CDC42BPB: variants seen among roughly 807,000 people sequenced by gnomAD.
CDC42BPB encodes the protein serine/threonine-protein kinase MRCK beta.
In CDC42BPB, 37 loss-of-function variants were observed where a neutral mutation model predicts 214.9. The ratio of observed to expected loss-of-function variants is 0.17; its 90% CI spans 0.13 to 0.23. CDC42BPB has a LOEUF of 0.23. CDC42BPB is among the 10% of genes least tolerant of loss of function. The probability of loss-of-function intolerance (pLI) is 1.00; values close to 1 mark genes in which losing one functional copy is unlikely to be tolerated. For missense variants in CDC42BPB, 1,694 were observed against 2,227.0 expected, an observed-to-expected ratio of 0.76 and a Z score of 4.82; for synonymous variants, 931 against 884.0, an observed-to-expected ratio of 1.05 and a Z score of -0.94.
intron 1 of CDC42BPB, among the ~76,000 whole-genome samples, chr14:103,034,782 C>T (rs1003062921): frequency 3.4e-5 from 5 of 148,392 alleles, no homozygotes; most frequent in South Asian, 2.1e-4. Context: ...CGTGCCACTG[C>T]GCTCCAGCCT....
chr14:103,038,380 T>G (rs921898975), intron 1 of CDC42BPB, among the ~76,000 whole-genome samples: 1 of 151,566 alleles, frequency 6.6e-6, no homozygotes, highest in Non-Finnish European at 1.5e-5. Context: ...CAGCACTCCT[T>G]AATAGCCCCA....
At chr14:103,000,854 C>T (rs10139535) in intron 4 of CDC42BPB, among the ~76,000 whole-genome samples, 7,708 of 152,228 alleles carry the variant, frequency 0.051, 212 homozygotes, top group Middle Eastern at 0.075. Flanking sequence ...CCCATCGACA[C>T]GGGAGGCTTG....
chr14:102,999,333 C>A (rs142795109), intron 5 of CDC42BPB, among the ~76,000 whole-genome samples: 88 of 152,176 alleles, frequency 5.8e-4, no homozygotes, highest in South Asian at 2.1e-3. Flanking sequence ...TCAAAAGACA[C>A]AGTGGCTTCG....
At chr14:103,011,270 G>C (rs370174359) in intron 2 of CDC42BPB, among the ~76,000 whole-genome samples, 2 of 152,238 alleles carry the variant, frequency 1.3e-5, no homozygotes, top group African/African-American at 4.8e-5. Flanking sequence ...AGCTGCACCT[G>C]CATGACTGGC....
At chr14:102,973,744 A>T (rs560214648) in intron 12 of CDC42BPB, among the ~76,000 whole-genome samples, 1 of 152,254 alleles carries the variant, frequency 6.6e-6, no homozygotes, top group South Asian at 2.1e-4. Context: ...TGGAGACTGG[A>T]GAGGCTGATT....
chr14:102,994,330 C>A (rs185941086), intron 5 of CDC42BPB, among the ~76,000 whole-genome samples: 1 of 152,022 alleles, frequency 6.6e-6, no homozygotes. Flanking sequence ...GGGTCATCTG[C>A]GCCGTATAAT....
At chr14:102,967,202 T>C in intron 16 of CDC42BPB, 32 bp from the exon 17 acceptor site, 6 of 1,594,996 alleles carry the variant, frequency 3.8e-6, no homozygotes, top group Non-Finnish European at 5.1e-6. Context: ...ACAGAACTTG[T>C]TAATCGGGCA....
At chr14:102,978,401 T>C in intron 8 of CDC42BPB, 196 bp from the exon 9 acceptor site, 2 of 907,276 alleles carry the variant, frequency 2.2e-6, no homozygotes, top group Non-Finnish European at 2.6e-6. Context: ...CCCTGTACGC[T>C]GTATGTACAA....
intron 7 of CDC42BPB, among the ~76,000 whole-genome samples, 161 bp downstream of exon 7, chr14:102,983,395 T>C (rs1894094494): frequency 1.3e-5 from 2 of 152,088 alleles, no homozygotes; most frequent in South Asian, 4.1e-4. Context: ...CCCTCTCCAA[T>C]GTCTACTCCA....
Position 102,950,340 on chromosome 14 carries a change from C to A in CDC42BPB, c.3309+126G>T, listed in dbSNP as rs1057208323. 91 of 1,285,166 alleles carry A rather than the reference C, an allele frequency of 7.1e-5. 1 individual carries two copies. The highest frequency in any genetic ancestry group is 5.5e-5 in the Non-Finnish European group (51 of 921,724). 79.6% of individuals were successfully genotyped at this position (1,285,166 alleles called of 1,614,324 possible). A position where few individuals can be genotyped will look rare whatever the true frequency, so the allele number is the denominator to read the frequency against. The stretch of plus-strand genomic sequence containing the variant: ...GGCCTCAGTGCCCAGGAGGGTAAGC[C>A]CCCTAGGACTGGCACCAGGGCCACC... On this transcript the variant is annotated intron_variant, in intron 25 of 36. Coordinates refer to ENST00000361246, the MANE Select transcript of CDC42BPB (RefSeq NM_006035.4).
intron 6 of CDC42BPB, among the ~76,000 whole-genome samples, chr14:102,984,308 T>A (rs1236117716): frequency 6.6e-6 from 1 of 152,072 alleles, no homozygotes; most frequent in Non-Finnish European, 1.5e-5. Context: ...GGGAGTCTTG[T>A]GTAGGGTCTG....
intron 5 of CDC42BPB, among the ~76,000 whole-genome samples, chr14:102,998,134 A>G (rs543512783): frequency 2.0e-4 from 31 of 152,322 alleles, no homozygotes; most frequent in East Asian, 3.9e-4. Context: ...CCTAAAAAAT[A>G]TATCAAAATA....
At position 102,968,721 on chromosome 14, in the gene CDC42BPB, A is replaced by G. The variant is rs770723424; in HGVS notation, c.1996-5T>C. ...TCCCCGGCCTCCTTGCTTCACCTGAAGACAAAGGTTAACATAAATTGACAA... is the reference window on the plus strand; with the variant it reads ...TCCCCGGCCTCCTTGCTTCACCTGAGGACAAAGGTTAACATAAATTGACAA... On this transcript the variant is annotated splice_region_variant and splice_polypyrimidine_tract_variant and intron_variant, in intron 14 of 36. Coordinates refer to ENST00000361246, the MANE Select transcript of CDC42BPB (RefSeq NM_006035.4). 1 of 1,613,370 alleles carries G rather than the reference A, an allele frequency of 6.2e-7. No homozygotes were observed. Among genetic ancestry groups the G allele is most frequent in the Non-Finnish European group, 8.5e-7 (1 of 1,179,938 alleles).
At chr14:103,020,167 C>T (rs1278727135) in intron 1 of CDC42BPB, among the ~76,000 whole-genome samples, 2 of 152,256 alleles carry the variant, frequency 1.3e-5, no homozygotes, top group Non-Finnish European at 2.9e-5. Flanking sequence ...GCCTCAGCTG[C>T]TTTGTGGCCA....
chr14:102,966,114 T>C (rs1305623814), intron 18 of CDC42BPB, among the ~76,000 whole-genome samples, 168 bp downstream of exon 18: 3 of 152,236 alleles, frequency 2.0e-5, no homozygotes, highest in Non-Finnish European at 4.4e-5. Flanking sequence ...GAAGCCATGA[T>C]GATCTGAGAG....
rs1159880464 is a variant in CDC42BPB at position 103,032,596 on chromosome 14, G to A, written c.176-20408C>T. Among the ~76,000 whole-genome samples the A allele has an allele frequency of 4.1e-5, 6 of 147,384 alleles. No homozygotes were observed. In the East Asian group the frequency reaches 7.9e-4, roughly 19 times the overall value. On this transcript the variant is annotated intron_variant, in intron 1 of 36. Coordinates refer to ENST00000361246, the MANE Select transcript of CDC42BPB (RefSeq NM_006035.4). ...CTTACAGATTAAAAGAGATTAAGGA[G>A]GTGTACAATCCAAATGCCTATAAAA...
chr14:103,051,149 TGGGGCGGG>T (rs991148956), intron 1 of CDC42BPB, among the ~76,000 whole-genome samples: 8 of 4,166 alleles, frequency 1.9e-3, no homozygotes, highest in East Asian at 6.2e-3. Context: ...CTAGTGTATT[TGGGGCGGG>T]GGGGCGGGAG....
intron 1 of CDC42BPB, among the ~76,000 whole-genome samples, chr14:103,056,580 G>C (rs1167101340): frequency 6.6e-6 from 1 of 151,284 alleles, no homozygotes; most frequent in Non-Finnish European, 1.5e-5. Flanking sequence ...GGCGGGGGCG[G>C]GGGCGGGGGC....
At chr14:103,002,958 T>C (rs1004884598) in intron 4 of CDC42BPB, among the ~76,000 whole-genome samples, 1 of 152,132 alleles carries the variant, frequency 6.6e-6, no homozygotes, top group Non-Finnish European at 1.5e-5. Flanking sequence ...AAGGGCTCCT[T>C]TAGGGTGAAT....
Sources: allele counts gnomAD v4.1 joint callset (sites outside exome capture counted in the v4.1 genomes callset), GRCh38; gene constraint gnomAD v4.1.1; transcripts MANE v1.5; gene names NCBI Gene and HGNC (gene_info 2026-07-23, HGNC 2026-07-21).